Variants in RGS6 observed in about 807,000 individuals in gnomAD.
RGS6 encodes regulator of G-protein signaling 6.
In RGS6, 30 loss-of-function variants were observed where a neutral mutation model predicts 78.5. The ratio of observed to expected loss-of-function variants is 0.38; its 90% CI spans 0.29 to 0.52. RGS6 has a LOEUF of 0.52. Among genes scored for constraint, RGS6 ranks in the 20% least tolerant of loss-of-function variants. The pLI, the probability that RGS6 is intolerant of heterozygous loss-of-function variation, is 0.85. For missense variants in RGS6, 495 were observed against 609.7 expected (o/e 0.81, Z 1.98); for synonymous variants, 206 against 206.0 (o/e 1.00, Z 0.00).
At chr14:72,084,652 C>A (rs1354860850) in intron 2 of RGS6, among the ~76,000 whole-genome samples, 1 of 152,076 alleles carries the variant, frequency 6.6e-6, no homozygotes, top group East Asian at 1.9e-4. Flanking sequence ...TTTGCTCATG[C>A]TTTTATTGTG....
At chr14:71,953,344 A>G (rs2092507255) in intron 1 of RGS6, among the ~76,000 whole-genome samples, 1 of 152,266 alleles carries the variant, frequency 6.6e-6, no homozygotes, top group East Asian at 1.9e-4. Flanking sequence ...TGTTACAACA[A>G]CTCAATTCTG....
At chr14:72,200,084 C>A (rs1187512600) in intron 2 of RGS6, among the ~76,000 whole-genome samples, 1 of 152,134 alleles carries the variant, frequency 6.6e-6, no homozygotes, top group Non-Finnish European at 1.5e-5. Context: ...CTAAAGTGAC[C>A]TAATTAATCT....
intron 2 of RGS6, among the ~76,000 whole-genome samples, chr14:72,281,782 G>T (rs901529266): frequency 6.6e-6 from 1 of 152,180 alleles, no homozygotes; most frequent in Non-Finnish European, 1.5e-5. Flanking sequence ...ATGAAGATCA[G>T]AGTGGCTGGA....
intron 15 of RGS6, among the ~76,000 whole-genome samples, chr14:72,520,355 G>A (rs192265112): frequency 1.8e-4 from 27 of 152,146 alleles, no homozygotes; most frequent in African/African-American, 5.3e-4. Context: ...CTATAAATTC[G>A]TTTTATAAGA....
At chr14:72,021,124 G>T (rs1034153613) in intron 2 of RGS6, among the ~76,000 whole-genome samples, 2 of 152,194 alleles carry the variant, frequency 1.3e-5, no homozygotes, top group African/African-American at 2.4e-5. Flanking sequence ...CCAGGCTCTA[G>T]GTCTGAACCC....
chr14:72,106,930 T>TTC (rs1453461554), intron 2 of RGS6, among the ~76,000 whole-genome samples: 25 of 152,188 alleles, frequency 1.6e-4, no homozygotes, highest in African/African-American at 6.0e-4. Context: ...GTTTTTTGTT[T>TTC]TTTTCTTTTC....
chr14:72,014,273 C>G (rs1469172907), intron 2 of RGS6, among the ~76,000 whole-genome samples: 1 of 152,194 alleles, frequency 6.6e-6, no homozygotes. Context: ...TTAAAAAAGT[C>G]AGACACACAG....
chr14:71,950,758 C>T (rs1566894558), intron 1 of RGS6, among the ~76,000 whole-genome samples: 2 of 152,102 alleles, frequency 1.3e-5, no homozygotes, highest in Admixed American at 6.5e-5. Flanking sequence ...AGGACTTGAA[C>T]AGACACTTGT....
At chr14:72,428,480 A>G (rs2094510139) in intron 3 of RGS6, among the ~76,000 whole-genome samples, 1 of 152,144 alleles carries the variant, frequency 6.6e-6, no homozygotes, top group South Asian at 2.1e-4. Flanking sequence ...AGCATTTGTT[A>G]TCTCCTAGGC....
intron 2 of RGS6, among the ~76,000 whole-genome samples, chr14:71,999,911 A>G (rs1038221110): frequency 6.6e-6 from 1 of 150,706 alleles, no homozygotes; most frequent in South Asian, 2.1e-4. Flanking sequence ...ATTTCTTTAT[A>G]GCAGTATGAG....
At chr14:71,871,644 G>A in the RGS6 span, among the ~76,000 whole-genome samples, 1 of 152,058 alleles carries the variant, frequency 6.6e-6, no homozygotes, top group Non-Finnish European at 1.5e-5. Context: ...TCACCTGCAA[G>A]CCCAGTGCCT....
chr14:72,380,386 AATGAGAGAAAATAT>A (rs1596472320), intron 3 of RGS6, among the ~76,000 whole-genome samples: 1 of 152,098 alleles, frequency 6.6e-6, no homozygotes, highest in East Asian at 1.9e-4. Context: ...CATCTTACAG[AATGAGAGAAAATAT>A]ATTCAAACTT....
In RGS6 at chr14:72,489,167, G is replaced by A. The variant is rs1028205319; in HGVS notation, c.855-5985G>A. Among the ~76,000 whole-genome samples the A allele has an allele frequency of 8.2e-4, 57 of 69,884 alleles. 3 individuals carry two copies. The highest frequency in any genetic ancestry group is 5.0e-3 in the Admixed American group (34 of 6,804). 45.8% of individuals were successfully genotyped at this position (69,884 alleles called of 152,430 possible). ...GGAGGACAAAGGGGGCCCCCCCACC[G>A]GCTGTTTGCTCATCTCAGATTTTGA... On this transcript the variant is annotated intron_variant, in intron 12 of 17. Coordinates refer to ENST00000553525, the MANE Select transcript of RGS6 (RefSeq NM_001204424.2).
At chr14:72,588,942 C>G in the RGS6 span, among the ~76,000 whole-genome samples, 1 of 152,052 alleles carries the variant, frequency 6.6e-6, no homozygotes, top group African/African-American at 2.4e-5. Flanking sequence ...TGCCAGCATG[C>G]CCCCCCAACT....
intron 2 of RGS6, among the ~76,000 whole-genome samples, chr14:72,244,369 T>C (rs1330469015): frequency 6.6e-6 from 1 of 151,828 alleles, no homozygotes; most frequent in African/African-American, 2.4e-5. Context: ...TTCTACTTCA[T>C]CAAGAAAATT....
chr14:72,476,039 C>T lies in RGS6; in HGVS notation c.694-703C>T, dbSNP rs148454966. Among the ~76,000 whole-genome samples the T allele has an allele frequency of 2.7e-3, 416 of 152,294 alleles. 13 individuals are homozygous for T. The highest frequency in any genetic ancestry group is 0.02 in the Admixed American group (313 of 15,298). ...GAGTCACATCCACCTTATCTGAGCC[C>T]TTCTGCATTTTGATGATTTTGACTA... On this transcript the variant is annotated intron_variant, in intron 10 of 17. Coordinates refer to ENST00000553525, the MANE Select transcript of RGS6 (RefSeq NM_001204424.2).
At chr14:72,043,965 C>T (rs376937860) in intron 2 of RGS6, among the ~76,000 whole-genome samples, 1 of 152,162 alleles carries the variant, frequency 6.6e-6, no homozygotes. Flanking sequence ...TCCTCCTCCT[C>T]CTCTCTTTTT....
rs188725480 is a variant in RGS6, at chr14:71,937,005, G to A, written c.-21+4064G>A. Among the ~76,000 whole-genome samples, 4 of 152,310 alleles carry A rather than the reference G, an allele frequency of 2.6e-5. No individual in the cohort carries two copies. The East Asian group carries it at 7.7e-4, about 29-fold the overall frequency. On this transcript the variant is annotated intron_variant, in intron 1 of 17. Transcript: ENST00000553525. ...CCATTTGTAGTCCCGCCTGGATTGGGCTGTTGTAGTTTCCTGTTGACCTTA... is the reference window on the plus strand; with the variant it reads ...CCATTTGTAGTCCCGCCTGGATTGGACTGTTGTAGTTTCCTGTTGACCTTA...
chr14:71,896,132 G>A, the RGS6 span, among the ~76,000 whole-genome samples: 2 of 152,094 alleles, frequency 1.3e-5, no homozygotes, highest in Admixed American at 6.6e-5. Flanking sequence ...TACAGGAAAG[G>A]GGTCCAGATG....
Sources: allele counts gnomAD v4.1 joint callset (sites outside exome capture counted in the v4.1 genomes callset), GRCh38; gene constraint gnomAD v4.1.1; transcripts MANE v1.5; gene names NCBI Gene and HGNC (gene_info 2026-07-23, HGNC 2026-07-21).